Variants in PDZK1 observed in about 807,000 individuals in gnomAD.
PDZK1 encodes Na(+)/H(+) exchange regulatory cofactor NHE-RF3.
In PDZK1, 23 loss-of-function variants were observed where a neutral mutation model predicts 38.1. That is an observed-to-expected ratio of 0.60 (90% CI 0.43 to 0.85). The LOEUF is 0.85. PDZK1 is among the 40% of genes least tolerant of loss of function. The pLI is 0.00. For synonymous variants in PDZK1, 98 were observed against 186.2 expected (o/e 0.53, Z 3.86); for missense variants, 297 against 504.3 (o/e 0.59, Z 3.94).
At chr1:145,702,207 A>C (rs1470261060) in intron 1 of PDZK1, among the ~76,000 whole-genome samples, 1 of 152,178 alleles carries the variant, frequency 6.6e-6, no homozygotes, top group African/African-American at 2.4e-5. Flanking sequence ...GCTGATACTA[A>C]GTACCTTCCC....
chr1:145,685,669 A>G (rs1249130264), intron 3 of PDZK1, among the ~76,000 whole-genome samples: 2 of 152,126 alleles, frequency 1.3e-5, no homozygotes, highest in Non-Finnish European at 2.9e-5. Flanking sequence ...ACCTACCACC[A>G]GTGCTTCTCC....
At chr1:145,702,886 C>A (rs1474383662) in intron 1 of PDZK1, among the ~76,000 whole-genome samples, 1 of 152,084 alleles carries the variant, frequency 6.6e-6, no homozygotes, top group Non-Finnish European at 1.5e-5. Context: ...GAGCAAGACT[C>A]CGTCTCAAAA....
intron 2 of PDZK1, among the ~76,000 whole-genome samples, chr1:145,687,579 A>G (rs887905477): frequency 1.3e-5 from 2 of 151,598 alleles, no homozygotes; most frequent in Non-Finnish European, 1.5e-5. Flanking sequence ...TATAGTGAAC[A>G]TGCAATTCAT....
At chr1:145,675,697 G>A (rs1426256820) in intron 6 of PDZK1, among the ~76,000 whole-genome samples, 3 of 152,040 alleles carry the variant, frequency 2.0e-5, no homozygotes, top group East Asian at 3.9e-4. Flanking sequence ...AGCTCATCTC[G>A]AGGCAAAGTG....
intron 6 of PDZK1, chr1:145,676,167 C>A: frequency 7.1e-6 from 7 of 984,616 alleles, no homozygotes; most frequent in Non-Finnish European, 7.2e-6. Flanking sequence ...CTTTGGAGAG[C>A]GGGGAAGGAG....
Position 145,684,232 on chromosome 1 carries a change from G to A in PDZK1, c.461-1596C>T, listed in dbSNP as rs1274024465. On this transcript the variant is annotated intron_variant, in intron 3 of 8. Coordinates refer to ENST00000417171, the MANE Select transcript of PDZK1 (RefSeq NM_001201325.2). ...CTTTTTTTTTTTTTTTTTTTGAGAC[G>A]GAGTCTTGCTTTATCGCCCAGCCTG... 4.2e-3 allele frequency among the ~76,000 whole-genome samples: 567 copies of A among 133,774 alleles called. 1 individual carries two copies. Among genetic ancestry groups the A allele is most frequent in the Non-Finnish European group, 6.9e-3 (442 of 63,980 alleles). The allele number at this position is 133,774 out of a possible 152,430, so 87.8% of individuals were successfully genotyped here. A position where few individuals can be genotyped will look rare whatever the true frequency, so the allele number is the denominator to read the frequency against.
rs193170683 is a variant in PDZK1, at chr1:145,688,708, C to G, written c.-2-685G>C. On this transcript the variant is annotated intron_variant, in intron 1 of 8. Transcript: ENST00000417171. The stretch of plus-strand genomic sequence containing the variant: ...AGGCACAGTGGCTCACCCCTGTATT[C>G]CCAGCACTTTGGGAGGCCGAGGCGG... Among the ~76,000 whole-genome samples, 3 of 152,234 alleles carry G rather than the reference C, an allele frequency of 2.0e-5. No homozygotes were observed. The East Asian group carries it at 5.8e-4, about 29-fold the overall frequency.
intron 3 of PDZK1, among the ~76,000 whole-genome samples, chr1:145,684,304 G>A (rs1371040450): frequency 6.6e-6 from 1 of 150,476 alleles, no homozygotes; most frequent in Non-Finnish European, 1.5e-5. Flanking sequence ...CGCCTCCCGG[G>A]TTCACACCAT....
intron 6 of PDZK1, among the ~76,000 whole-genome samples, chr1:145,677,615 G>T: frequency 6.6e-6 from 1 of 151,820 alleles, no homozygotes; most frequent in Non-Finnish European, 1.5e-5. Flanking sequence ...TGAATTACGG[G>T]TCCAAGAATT....
At chr1:145,692,953 G>T (rs1003706034) in intron 1 of PDZK1, among the ~76,000 whole-genome samples, 1 of 152,070 alleles carries the variant, frequency 6.6e-6, no homozygotes, top group Admixed American at 6.6e-5. Flanking sequence ...GGAGCTTGCA[G>T]TAAGCCAAGA....
chr1:145,697,679 C>A (rs1266758289), intron 1 of PDZK1, among the ~76,000 whole-genome samples: 2 of 151,438 alleles, frequency 1.3e-5, no homozygotes, highest in Non-Finnish European at 2.9e-5. Context: ...CTCACTGCAA[C>A]CTCTGCCTCC....
At position 145,704,661 on chromosome 1, in the gene PDZK1, C is replaced by A. The variant is rs72997795; in HGVS notation, c.-3+2656G>T. ...TTAATCACTTAGCCATGATACCCAT[C>A]AGGCAAAGAGATTAAGGAAATCTGG... On this transcript the variant is annotated intron_variant, in intron 1 of 8. Coordinates refer to ENST00000417171, the MANE Select transcript of PDZK1 (RefSeq NM_001201325.2). 4.7e-3 allele frequency among the ~76,000 whole-genome samples: 715 copies of A among 152,270 alleles called. 7 individuals carry two copies. The highest frequency in any genetic ancestry group is 0.016 in the African/African-American group (675 of 41,556).
chr1:145,673,748 T>C lies in PDZK1; in HGVS notation c.1124A>G (p.Lys375Arg), dbSNP rs1553698684. The change falls in exon 7 of 9, where the codon AAG becomes AGG. Residue 375 changes from lysine (K) to arginine (R), a missense_variant. Lys to Arg is a conservative substitution (Grantham distance 26). Around this residue, in one of 5 missense-constraint regions of PDZK1, gnomAD observed 49 missense variants for 135.6 expected, o/e 0.36. Coordinates refer to ENST00000417171, the MANE Select transcript of PDZK1 (RefSeq NM_001201325.2). The part of the protein sequence containing the change: ...PPDTTEEVDH[K>R]PKLCRLAKGE... ...TTTAGCCAGCCTGCAGAGTTTAGGC[T>C]TATGATCTACTTCCTCTGTAGTATC... 1 of 1,611,844 alleles carries C rather than the reference T, an allele frequency of 6.2e-7. No individual in the cohort carries two copies.
At chr1:145,682,737 T>G in intron 3 of PDZK1, 101 bp from the exon 4 acceptor site, 1 of 1,377,144 alleles carries the variant, frequency 7.3e-7, no homozygotes, top group Non-Finnish European at 1.0e-6. Flanking sequence ...GTCCTGTGAT[T>G]GCCTCCCGAT....
At chr1:145,700,988 T>C (rs762196390) in intron 1 of PDZK1, among the ~76,000 whole-genome samples, 1 of 152,120 alleles carries the variant, frequency 6.6e-6, no homozygotes, top group Non-Finnish European at 1.5e-5. Flanking sequence ...GAGGATCACC[T>C]GAGGTCAGCA....
In PDZK1 at chr1:145,686,470, T is replaced by G. The variant is rs782690080; in HGVS notation, c.460+7A>C. 69 of 1,611,640 alleles carry G rather than the reference T, an allele frequency of 4.3e-5. No homozygotes were observed. Among genetic ancestry groups the G allele is most frequent in the Non-Finnish European group, 5.8e-5 (68 of 1,179,712 alleles). ...CTGCCTCCCCCTGCTCCCCAAAAAA[T>G]TCTCACCTTGGACAGTTTTCAGAGA... On this transcript the variant is annotated splice_region_variant and intron_variant, in intron 3 of 8. Coordinates refer to ENST00000417171, the MANE Select transcript of PDZK1 (RefSeq NM_001201325.2).
At chr1:145,696,727 C>A (rs1278139995) in intron 1 of PDZK1, among the ~76,000 whole-genome samples, 4 of 152,172 alleles carry the variant, frequency 2.6e-5, no homozygotes, top group Admixed American at 2.0e-4. Flanking sequence ...TGCTGCCCAC[C>A]CAGGCTGTGT....
chr1:145,686,346 G>T lies in PDZK1; in HGVS notation c.460+131C>A. On this transcript the variant is annotated intron_variant, in intron 3 of 8. Transcript: ENST00000417171. ...AGTGAGAGACGGAGGGAGGCAAGCT[G>T]TTGCAAGCTATCTATAGCAACTGAA... 4 of 1,051,630 alleles carry T rather than the reference G, an allele frequency of 3.8e-6. 1 individual carries two copies. In the South Asian group the frequency reaches 4.7e-5, roughly 12 times the overall value. 65.1% of individuals were successfully genotyped at this position (1,051,630 alleles called of 1,614,324 possible). A position where few individuals can be genotyped will look rare whatever the true frequency, so the allele number is the denominator to read the frequency against.
At chr1:145,683,991 C>T (rs1465198622) in intron 3 of PDZK1, among the ~76,000 whole-genome samples, 5 of 151,714 alleles carry the variant, frequency 3.3e-5, no homozygotes, top group East Asian at 1.9e-4. Context: ...GGACTACAGG[C>T]GCCTGCCACC....
Sources: gnomAD v4.1 joint callset for allele counts (sites outside exome capture counted in the v4.1 genomes callset) on GRCh38, gnomAD v4.1.1 for gene constraint, gnomAD v4.1.1 regional missense constraint, MANE v1.5 for transcripts, NCBI Gene and HGNC (gene_info 2026-07-23, HGNC 2026-07-21) for gene names.